The following DDX10 variants were observed in gnomAD, a reference collection of about 807,000 sequenced individuals.
DDX10 encodes DEAD-box helicase 10, also known as probable ATP-dependent RNA helicase DDX10.
In DDX10, 74 loss-of-function variants were observed where a neutral mutation model predicts 104.3. The observed-to-expected ratio is 0.71, with a 90% CI of 0.59 to 0.86. The LOEUF is 0.86. Among genes scored for constraint, DDX10 ranks in the 40% least tolerant of loss-of-function variants. The pLI is 0.00. For missense variants in DDX10, 952 were observed against 1,040.0 expected (o/e 0.92, Z 1.16); for synonymous variants, 351 against 353.4 (o/e 0.99, Z 0.08).
chr11:108,797,036 C>T (rs183322132), intron 13 of DDX10, among the ~76,000 whole-genome samples: 1 of 151,634 alleles, frequency 6.6e-6, no homozygotes, highest in Non-Finnish European at 1.5e-5. Context: ...TCTCCCTCTT[C>T]TAATTTTTTT....
chr11:108,808,962 A>T (rs762035527), intron 13 of DDX10, among the ~76,000 whole-genome samples: 2 of 152,172 alleles, frequency 1.3e-5, no homozygotes, highest in Non-Finnish European at 2.9e-5. Flanking sequence ...ATTGATGTCT[A>T]TATTGAAAAG....
intron 16 of DDX10, among the ~76,000 whole-genome samples, chr11:108,873,150 G>C (rs1483812201): frequency 6.6e-6 from 1 of 152,038 alleles, no homozygotes; most frequent in Non-Finnish European, 1.5e-5. Context: ...CTTGTGTTAG[G>C]GTAATATGGT....
chr11:108,927,318 C>A (rs894668412), intron 17 of DDX10, among the ~76,000 whole-genome samples: 6 of 152,312 alleles, frequency 3.9e-5, no homozygotes, highest in African/African-American at 1.4e-4. Context: ...CAAACTTGCA[C>A]ACCCCTAATT....
chr11:108,787,321 T>G (rs1861808270), intron 13 of DDX10, among the ~76,000 whole-genome samples: 2 of 152,138 alleles, frequency 1.3e-5, no homozygotes, highest in Admixed American at 1.3e-4. Context: ...ACTATGTGCC[T>G]TGGAATGGTC....
At chr11:108,894,541 G>C (rs1270837902) in intron 16 of DDX10, among the ~76,000 whole-genome samples, 1 of 151,998 alleles carries the variant, frequency 6.6e-6, no homozygotes, top group East Asian at 1.9e-4. Flanking sequence ...GTGAATAATG[G>C]AGCAGATTTA....
chr11:108,700,696 A>T (rs147698210), intron 9 of DDX10, among the ~76,000 whole-genome samples: 490 of 152,306 alleles, frequency 3.2e-3, no homozygotes, highest in African/African-American at 0.011. Context: ...CTTTGTCACT[A>T]ATGACCGTGT....
At chr11:108,764,920 G>GA (rs2094354679) in intron 13 of DDX10, among the ~76,000 whole-genome samples, 1 of 152,116 alleles carries the variant, frequency 6.6e-6, no homozygotes, top group Non-Finnish European at 1.5e-5. Context: ...ACTTCGGAAT[G>GA]AAAAAACCTG....
chr11:108,870,321 T>G (rs560959318), intron 16 of DDX10, among the ~76,000 whole-genome samples: 58 of 152,282 alleles, frequency 3.8e-4, no homozygotes, highest in African/African-American at 1.3e-3. Context: ...TTATTCTGAA[T>G]TATAGTGGCC....
intron 13 of DDX10, among the ~76,000 whole-genome samples, chr11:108,827,240 G>A (rs1862407861): frequency 6.6e-6 from 1 of 152,052 alleles, no homozygotes; most frequent in Admixed American, 6.6e-5. Context: ...TCATACATTG[G>A]GGATACAGAT....
At chr11:108,665,897 C>T (rs1248800647) in intron 1 of DDX10, among the ~76,000 whole-genome samples, 1 of 152,168 alleles carries the variant, frequency 6.6e-6, no homozygotes, top group Non-Finnish European at 1.5e-5. Flanking sequence ...CCTGTGGCCA[C>T]CTCATTTTCT....
At chr11:108,892,980 G>C (rs1477776452) in intron 16 of DDX10, among the ~76,000 whole-genome samples, 1 of 152,040 alleles carries the variant, frequency 6.6e-6, no homozygotes, top group Non-Finnish European at 1.5e-5. Context: ...TCATCCTTAA[G>C]ACTGTTTAGA....
chr11:108,804,648 T>A (rs753302607), intron 13 of DDX10, among the ~76,000 whole-genome samples: 3 of 152,148 alleles, frequency 2.0e-5, no homozygotes, highest in Non-Finnish European at 2.9e-5. Context: ...AGGCTGCAAT[T>A]AAGTGTTGGC....
intron 15 of DDX10, among the ~76,000 whole-genome samples, chr11:108,845,074 GGCGGGCGCCTGTAGTCCCA>G (rs1206230260): frequency 5.3e-5 from 8 of 152,084 alleles, no homozygotes; most frequent in Non-Finnish European, 1.0e-4. Context: ...CAGTCGTGAT[GGCGGGCGCCTGTAGTCCCA>G]GCTACTCCGG....
intron 13 of DDX10, among the ~76,000 whole-genome samples, chr11:108,760,403 G>A (rs539074025): frequency 1.2e-3 from 182 of 152,086 alleles, no homozygotes; most frequent in Middle Eastern, 6.8e-3. Context: ...TCCACTTTCT[G>A]TATTTTTAAG....
chr11:108,696,214 T>G (rs2094259710), intron 9 of DDX10, among the ~76,000 whole-genome samples: 1 of 152,148 alleles, frequency 6.6e-6, no homozygotes. Flanking sequence ...TGTCGCTCTG[T>G]CACCCAGGCT....
intron 1 of DDX10, 110 bp downstream of exon 1, chr11:108,665,449 C>A: frequency 7.7e-7 from 1 of 1,306,840 alleles, no homozygotes; most frequent in Non-Finnish European, 1.0e-6. Context: ...GGGACCCGGC[C>A]GGGAATGAGA....
At chr11:108,673,416 C>T (rs2094219634) in intron 1 of DDX10, 51 bp from the exon 2 acceptor site, 1 of 1,214,760 alleles carries the variant, frequency 8.2e-7, no homozygotes, top group African/African-American at 1.5e-5. Flanking sequence ...GAAGAAATGG[C>T]TGTGTCGTGA....
chr11:108,940,113 T>C, intron 17 of DDX10, 133 bp from the exon 18 acceptor site: 1 of 935,984 alleles, frequency 1.1e-6, no homozygotes, highest in South Asian at 1.8e-5. Flanking sequence ...ATTATACAGA[T>C]ATCTTGATGT....
intron 3 of DDX10, among the ~76,000 whole-genome samples, chr11:108,676,593 T>C (rs1045362056): frequency 5.3e-5 from 8 of 152,146 alleles, no homozygotes; most frequent in Non-Finnish European, 1.2e-4. Flanking sequence ...ATTACAGATG[T>C]GGGCTACCAC....
Sources: allele counts gnomAD v4.1 joint callset (sites outside exome capture counted in the v4.1 genomes callset), GRCh38; gene constraint gnomAD v4.1.1; transcripts MANE v1.5; gene names NCBI Gene and HGNC (gene_info 2026-07-23, HGNC 2026-07-21).